The following PTPRG variants were observed in gnomAD, a reference collection of about 807,000 sequenced individuals.
PTPRG encodes the protein protein tyrosine phosphatase receptor type G, also known as receptor-type tyrosine-protein phosphatase gamma.
In PTPRG, 102 loss-of-function variants were observed where a neutral mutation model predicts 165.3. That is an observed-to-expected ratio of 0.62 (90% CI 0.53 to 0.73). The LOEUF is 0.73. Ranked by LOEUF, PTPRG falls within the 30% of genes least tolerant of loss-of-function variation. The pLI, the probability that PTPRG is intolerant of heterozygous loss-of-function variation, is 0.00. For missense variants in PTPRG, 1,866 were observed against 1,861.4 expected (o/e 1.00, Z -0.05); for synonymous variants, 675 against 669.5 (o/e 1.01, Z -0.13).
chr3:61,945,423 A>G (rs139728874), intron 2 of PTPRG, among the ~76,000 whole-genome samples: 223 of 151,918 alleles, frequency 1.5e-3, no homozygotes, highest in African/African-American at 5.2e-3. Context: ...GGTGGGCGTG[A>G]TGGTAGGCGC....
At chr3:61,639,132 C>T (rs1375437588) in intron 1 of PTPRG, among the ~76,000 whole-genome samples, 1 of 152,166 alleles carries the variant, frequency 6.6e-6, no homozygotes, top group African/African-American at 2.4e-5. Flanking sequence ...ATATGGCTAG[C>T]CAGTTATCCC....
Position 62,042,093 on chromosome 3 carries a change from C to A in PTPRG, c.520-36070C>A, listed in dbSNP as rs555196395. Among the ~76,000 whole-genome samples, 6 of 152,302 alleles carry A rather than the reference C, an allele frequency of 3.9e-5. No homozygotes were observed. In the East Asian group the frequency reaches 1.2e-3, roughly 29 times the overall value. On this transcript the variant is annotated intron_variant, in intron 4 of 29. Transcript: ENST00000474889. ...ACCTCTTAACTGCTTTGCATGTTGC[C>A]TCTCAGAGGGTCACAGAAAATCTTG...
chr3:62,223,249 A>G (rs534222661), intron 13 of PTPRG, among the ~76,000 whole-genome samples: 43 of 152,204 alleles, frequency 2.8e-4, no homozygotes, highest in African/African-American at 1.0e-3. Context: ...AAGAAACACT[A>G]CTGTGTCTAG....
At chr3:61,817,152 TATAATATATAATATATA>T (rs1330561505) in intron 2 of PTPRG, among the ~76,000 whole-genome samples, 2 of 116,726 alleles carry the variant, frequency 1.7e-5, no homozygotes, top group Non-Finnish European at 3.3e-5. Context: ...ATTACATATA[TATAATATATAATATATA>T]ATAATATATA....
intron 19 of PTPRG, among the ~76,000 whole-genome samples, chr3:62,268,176 G>C (rs904783933): frequency 2.2e-4 from 34 of 152,104 alleles, no homozygotes; most frequent in African/African-American, 7.9e-4. Context: ...CTAAGTACAG[G>C]GGACAGACAA....
intron 2 of PTPRG, among the ~76,000 whole-genome samples, chr3:61,962,553 T>A (rs1327861165): frequency 6.6e-6 from 1 of 152,158 alleles, no homozygotes; most frequent in African/African-American, 2.4e-5. Flanking sequence ...TTTTTTTATA[T>A]CCACAGTCAC....
intron 16 of PTPRG, chr3:62,262,406 A>AC (rs1701726514): frequency 6.5e-6 from 1 of 154,848 alleles, no homozygotes; most frequent in South Asian, 2.1e-4. Context: ...AAATTTTTTC[A>AC]CCTGTCTAAA....
intron 12 of PTPRG, among the ~76,000 whole-genome samples, chr3:62,204,541 T>A (rs1700180145): frequency 6.6e-6 from 1 of 151,936 alleles, no homozygotes; most frequent in South Asian, 2.1e-4. Context: ...AAGTTTTCGA[T>A]TGTGAAATGG....
At chr3:62,158,266 T>A (rs1704616415) in intron 7 of PTPRG, among the ~76,000 whole-genome samples, 1 of 152,320 alleles carries the variant, frequency 6.6e-6, no homozygotes, top group East Asian at 1.9e-4. Context: ...ATGTTAGTTG[T>A]GCAAAATTCA....
intron 2 of PTPRG, among the ~76,000 whole-genome samples, chr3:61,822,031 C>T (rs2035972235): frequency 6.6e-6 from 1 of 152,196 alleles, no homozygotes; most frequent in African/African-American, 2.4e-5. Context: ...AGTAACTGCA[C>T]CATGGACAAT....
chr3:61,695,129 G>A lies in PTPRG; in HGVS notation c.86-53749G>A, dbSNP rs562573660. Among the ~76,000 whole-genome samples, 16 of 152,058 alleles carry A rather than the reference G, an allele frequency of 1.1e-4. No individual in the cohort carries two copies. In the East Asian group the frequency reaches 3.1e-3, roughly 29 times the overall value. On this transcript the variant is annotated intron_variant, in intron 1 of 29. Transcript: ENST00000474889. ...GGGTTCAAGTGATTCTCCTGCCTCA[G>A]CCTCCTGAGTAGCTGGGATTACAGG...
chr3:62,124,499 T>C, intron 5 of PTPRG: 1 of 1,595,252 alleles, frequency 6.3e-7, no homozygotes, highest in South Asian at 1.1e-5. Flanking sequence ...ATTCATGTTT[T>C]ACAGCAGGCT....
At chr3:61,685,343 AG>A (rs2107132936) in intron 1 of PTPRG, among the ~76,000 whole-genome samples, 1 of 152,300 alleles carries the variant, frequency 6.6e-6, no homozygotes, top group Admixed American at 6.5e-5. Flanking sequence ...GGAGGAGAAG[AG>A]GGTTGGTTAA....
At chr3:61,745,910 G>C (rs1440300138) in intron 1 of PTPRG, among the ~76,000 whole-genome samples, 1 of 152,164 alleles carries the variant, frequency 6.6e-6, no homozygotes, top group Non-Finnish European at 1.5e-5. Flanking sequence ...TGGTACAAAA[G>C]ACAGAAAAAT....
chr3:61,722,337 G>A (rs889417738), intron 1 of PTPRG, among the ~76,000 whole-genome samples: 3 of 152,038 alleles, frequency 2.0e-5, no homozygotes, highest in Non-Finnish European at 2.9e-5. Context: ...GGCCAAATAC[G>A]TTCATTAGGC....
In PTPRG at chr3:62,128,535, C is replaced by T. The variant is rs547193707; in HGVS notation, c.616-4067C>T. On this transcript the variant is annotated intron_variant, in intron 5 of 29. Transcript: ENST00000474889. ...CATTTAAATTCAAGTGTTAGGTCAACTTGTTGCCCGGTGTTATTGTCCTTT... is the reference window on the plus strand; with the variant it reads ...CATTTAAATTCAAGTGTTAGGTCAATTTGTTGCCCGGTGTTATTGTCCTTT... Among the ~76,000 whole-genome samples, 6 of 151,864 alleles carry T rather than the reference C, an allele frequency of 4.0e-5. No individual in the cohort carries two copies. The South Asian group carries it at 1.0e-3, about 26-fold the overall frequency.
At chr3:61,938,493 T>A (rs570446905) in intron 2 of PTPRG, among the ~76,000 whole-genome samples, 75 of 152,348 alleles carry the variant, frequency 4.9e-4, no homozygotes, top group African/African-American at 1.7e-3. Flanking sequence ...TTGAGGAATC[T>A]GTAAATGCCA....
chr3:61,575,221 G>T (rs146801388), intron 1 of PTPRG, among the ~76,000 whole-genome samples: 2 of 152,136 alleles, frequency 1.3e-5, no homozygotes, highest in East Asian at 3.9e-4. Context: ...CTTATGATGC[G>T]AAGTGGAGGT....
intron 2 of PTPRG, among the ~76,000 whole-genome samples, chr3:61,765,857 G>T (rs1009760097): frequency 6.6e-6 from 1 of 152,194 alleles, no homozygotes; most frequent in African/African-American, 2.4e-5. Context: ...ATGGTGGCCT[G>T]AATTTTCCAC....
Sources: allele counts gnomAD v4.1 joint callset (sites outside exome capture counted in the v4.1 genomes callset), GRCh38; gene constraint gnomAD v4.1.1; transcripts MANE v1.5; gene names NCBI Gene and HGNC (gene_info 2026-07-23, HGNC 2026-07-21).